WDR20: variants seen among roughly 807,000 people sequenced by gnomAD.
The protein encoded by WDR20 is WD repeat-containing protein 20.
In WDR20, 3 loss-of-function variants were observed where a neutral mutation model predicts 38.7. The ratio of observed to expected loss-of-function variants is 0.08; its 90% CI spans 0.04 to 0.20. The LOEUF is 0.20. Among genes scored for constraint, WDR20 ranks in the 10% least tolerant of loss-of-function variants. The probability of loss-of-function intolerance (pLI) is 1.00; values close to 1 mark genes in which losing one functional copy is unlikely to be tolerated. For synonymous variants in WDR20, 298 were observed against 285.6 expected, an observed-to-expected ratio of 1.04 and a Z score of -0.44; for missense variants, 559 against 727.7, an observed-to-expected ratio of 0.77 and a Z score of 2.67.
intron 1 of WDR20, among the ~76,000 whole-genome samples, chr14:102,147,425 G>C (rs1432063763): frequency 6.6e-6 from 1 of 152,162 alleles, no homozygotes; most frequent in Non-Finnish European, 1.5e-5. Flanking sequence ...GAGCAATGGT[G>C]AGAAGCACCT....
chr14:102,163,027 A>G (rs1181905122), intron 1 of WDR20, among the ~76,000 whole-genome samples: 3 of 152,190 alleles, frequency 2.0e-5, no homozygotes, highest in Admixed American at 6.5e-5. Flanking sequence ...TTCAAAATTA[A>G]TCATTGCTAT....
At chr14:102,161,640 A>G (rs1455007740) in intron 1 of WDR20, among the ~76,000 whole-genome samples, 1 of 152,116 alleles carries the variant, frequency 6.6e-6, no homozygotes, top group Admixed American at 6.5e-5. Context: ...GGTGTATGTC[A>G]CTGAAAATTC....
upstream of WDR20, chr14:102,139,570 C>T (rs1359288905): frequency 5.3e-6 from 4 of 755,030 alleles, no homozygotes; most frequent in Non-Finnish European, 8.3e-6. Context: ...AGCCCCGCCG[C>T]GGTTCCCCCT....
At chr14:102,188,772 C>T (rs2065516602) in intron 1 of WDR20, among the ~76,000 whole-genome samples, 1 of 148,828 alleles carries the variant, frequency 6.7e-6, no homozygotes, top group Non-Finnish European at 1.5e-5. Context: ...ACTTGAGAGG[C>T]TGAGGCAGGA....
In WDR20 at chr14:102,210,097, C is replaced by T. The variant is rs1461474324; in HGVS notation, c.*217C>T. 1.1e-5 allele frequency: 14 copies of T among 1,323,910 alleles called. No individual in the cohort carries two copies. In the South Asian group the frequency reaches 2.2e-4, roughly 21 times the overall value. 82.0% of individuals were successfully genotyped at this position (1,323,910 alleles called of 1,614,324 possible). A position where few individuals can be genotyped will look rare whatever the true frequency, so the allele number is the denominator to read the frequency against. Reference sequence around the variant, plus strand: ...AAATATAATCAAACTAATTGCCAGCCAAGTCAGTCATCCTCCTGGGAGTAT... The same window carrying T: ...AAATATAATCAAACTAATTGCCAGCTAAGTCAGTCATCCTCCTGGGAGTAT... On this transcript the variant is annotated 3_prime_UTR_variant, in exon 3 of 3. Coordinates refer to ENST00000342702, the MANE Select transcript of WDR20 (RefSeq NM_144574.4).
intron 1 of WDR20, among the ~76,000 whole-genome samples, chr14:102,185,219 TG>T (rs2064340893): frequency 6.6e-6 from 1 of 152,212 alleles, no homozygotes; most frequent in Admixed American, 6.5e-5. Flanking sequence ...CAAGTCCTTA[TG>T]TATTCAGAAG....
chr14:102,145,471 C>A (rs12885805), intron 1 of WDR20, among the ~76,000 whole-genome samples: 1 of 152,222 alleles, frequency 6.6e-6, no homozygotes, highest in South Asian at 2.1e-4. Context: ...AAAAACTGTT[C>A]TCAGGCCAGG....
chr14:102,179,611 A>G (rs1347473267), intron 1 of WDR20, among the ~76,000 whole-genome samples: 1 of 152,110 alleles, frequency 6.6e-6, no homozygotes, highest in Non-Finnish European at 1.5e-5. Context: ...AAATTATGCT[A>G]CATCAAGTAC....
At chr14:102,223,970 A>G (rs2064143204), downstream of WDR20, among the ~76,000 whole-genome samples, 1 of 151,968 alleles carries the variant, frequency 6.6e-6, no homozygotes, top group South Asian at 2.1e-4. Flanking sequence ...GTGACCACAC[A>G]TAACACAGTT....
chr14:102,150,944 G>A (rs1445175658), intron 1 of WDR20, among the ~76,000 whole-genome samples: 1 of 152,132 alleles, frequency 6.6e-6, no homozygotes, highest in Non-Finnish European at 1.5e-5. Context: ...AACATTTATT[G>A]GACCTGTGGA....
chr14:102,139,701 C>A (rs1316743529), upstream of WDR20: 2 of 698,058 alleles, frequency 2.9e-6, no homozygotes, highest in Non-Finnish European at 4.7e-6. Flanking sequence ...GAGGAGCCTG[C>A]GGACGCCCAG....
rs574881606 is a variant in WDR20, at chr14:102,149,296, G to C, written c.249+9124G>C. Among the ~76,000 whole-genome samples, 15 of 152,296 alleles carry C rather than the reference G, an allele frequency of 9.8e-5. No individual in the cohort carries two copies. In the East Asian group the frequency reaches 2.9e-3, roughly 29 times the overall value. The stretch of plus-strand genomic sequence containing the variant: ...TGCTTTTGCCTTGTGCTCCCAAAGT[G>C]CTGGGATTACAGATGTGAGCCATTG... On this transcript the variant is annotated intron_variant, in intron 1 of 2. Coordinates refer to ENST00000342702, the MANE Select transcript of WDR20 (RefSeq NM_144574.4).
At chr14:102,148,134 T>G (rs1047607135) in intron 1 of WDR20, among the ~76,000 whole-genome samples, 3 of 152,216 alleles carry the variant, frequency 2.0e-5, no homozygotes, top group African/African-American at 7.2e-5. Context: ...TGCAGTAATA[T>G]GAAATGTGAT....
intron 1 of WDR20, among the ~76,000 whole-genome samples, chr14:102,177,096 A>C (rs1333797861): frequency 6.6e-6 from 1 of 152,164 alleles, no homozygotes; most frequent in Non-Finnish European, 1.5e-5. Flanking sequence ...TACTGATGAC[A>C]TCAAATCCAA....
chr14:102,140,833 C>T (rs2050774480), intron 1 of WDR20, among the ~76,000 whole-genome samples: 1 of 152,202 alleles, frequency 6.6e-6, no homozygotes, highest in South Asian at 2.1e-4. Flanking sequence ...CATCTTGTCC[C>T]TTGTAGTATG....
chr14:102,193,356 C>G (rs532112577), intron 1 of WDR20: 4 of 1,200,592 alleles, frequency 3.3e-6, no homozygotes, highest in Non-Finnish European at 4.8e-6. Flanking sequence ...CTCCACTGGC[C>G]GCTTTTCTCC....
rs2062265003 is a variant in WDR20 at position 102,210,149 on chromosome 14, T to TG, written c.*269_*270insG. On this transcript the variant is annotated 3_prime_UTR_variant, in exon 3 of 3. Coordinates refer to ENST00000342702, the MANE Select transcript of WDR20 (RefSeq NM_144574.4). ...TAGAGTCCCAAGGTTAGCGCTCCTG[T>TG]ATTAGACTATTTCAATTTTAGGAAA... 8.9e-6 allele frequency: 10 copies of TG among 1,127,186 alleles called. No homozygotes were observed. The South Asian group carries it at 3.0e-4, about 34-fold the overall frequency. 69.8% of individuals were successfully genotyped at this position (1,127,186 alleles called of 1,614,324 possible). A position where few individuals can be genotyped will look rare whatever the true frequency, so the allele number is the denominator to read the frequency against.
intron 1 of WDR20, among the ~76,000 whole-genome samples, chr14:102,147,335 G>C (rs139683567): frequency 0.043 from 6,535 of 152,284 alleles, 176 homozygotes; most frequent in Middle Eastern, 0.065. Context: ...GTTGCAGTGA[G>C]CCAAGATCGT....
chr14:102,213,490 G>A (rs1000107987), downstream of WDR20: 1 of 985,448 alleles, frequency 1.0e-6, no homozygotes, highest in Non-Finnish European at 1.2e-6. Context: ...TGGAGGCATG[G>A]AAAATCAGAA....
Sources: gnomAD v4.1 joint callset for allele counts (sites outside exome capture counted in the v4.1 genomes callset) on GRCh38, gnomAD v4.1.1 for gene constraint, MANE v1.5 for transcripts, NCBI Gene and HGNC (gene_info 2026-07-23, HGNC 2026-07-21) for gene names.